SRD5A1: variants seen among roughly 807,000 people sequenced by gnomAD.
The protein encoded by SRD5A1 is steroid 5 alpha-reductase 1.
SRD5A1 carries 22 observed loss-of-function variants against 28.2 expected under a neutral mutation model. The ratio of observed to expected loss-of-function variants is 0.78; its 90% confidence interval spans 0.56 to 1.12. The LOEUF is 1.12. Ranked by LOEUF, SRD5A1 falls within the 50% of genes most tolerant of loss-of-function variation. SRD5A1 has a pLI of 0.00. For synonymous variants in SRD5A1, 151 were observed against 135.0 expected, an observed-to-expected ratio of 1.12 and a Z score of -0.82; for missense variants, 300 against 346.7, an observed-to-expected ratio of 0.87 and a Z score of 1.07.
At position 6,669,780 on chromosome 5, in the gene SRD5A1, C is replaced by T. The variant is rs1036286552; in HGVS notation, c.*1512C>T. 6.6e-6 allele frequency: 1 copy of T among 152,238 alleles called. No homozygotes were observed. The highest frequency in any genetic ancestry group is 6.5e-5 in the Admixed American group (1 of 15,282). The allele number at this position is 152,238 out of a possible 1,614,324, so 9.4% of individuals were successfully genotyped here. On this transcript the variant is annotated 3_prime_UTR_variant, in exon 5 of 5. Transcript: ENST00000274192. The stretch of plus-strand genomic sequence containing the variant: ...TTAAATCTGATGAGCTGAACATACA[C>T]CTTTCCTTCTCCCCTCTCTATTCTG...
intron 1 of SRD5A1, among the ~76,000 whole-genome samples, chr5:6,648,580 G>C (rs1442564461): frequency 6.6e-6 from 1 of 152,122 alleles, no homozygotes; most frequent in African/African-American, 2.4e-5. Context: ...TATGCTTCAC[G>C]AAGTTCTTGT....
chr5:6,633,782 A>G lies in SRD5A1; in HGVS notation c.206A>G (p.Tyr69Cys), dbSNP rs1011605522. ...CTGCCCTCGCTGGCCCTGCCGCTCT[A>G]CCAGTACGCCAGCGAGTCCGCCCCG... The part of the protein sequence containing the change: ...QELPSLALPL[Y>C]QYASESAPRL... Residue 69 changes from tyrosine to cysteine, a missense_variant, in exon 1 of 5, where the codon TAC becomes TGC. This residue lies in a region of SRD5A1 where 174 missense variants were observed against 160.9 expected (regional missense o/e 1.08). Transcript: ENST00000274192. 15 of 1,597,616 alleles carry G rather than the reference A, an allele frequency of 9.4e-6. No homozygotes were observed. Among genetic ancestry groups the G allele is most frequent in the Non-Finnish European group, 1.3e-5 (15 of 1,179,632 alleles).
chr5:6,641,018 G>T (rs1211405050), intron 1 of SRD5A1, among the ~76,000 whole-genome samples: 2 of 152,208 alleles, frequency 1.3e-5, no homozygotes, highest in Admixed American at 6.5e-5. Context: ...GAATGGGATG[G>T]TGTAGGAGAA....
At chr5:6,656,021 C>T (rs1407522529) in intron 2 of SRD5A1, 57 bp from the exon 3 acceptor site, 13 of 1,296,906 alleles carry the variant, frequency 1.0e-5, no homozygotes, top group Non-Finnish European at 1.2e-5. Context: ...GGCTGGGGCT[C>T]GTAGTGAAAT....
chr5:6,646,565 A>T (rs1738516855), intron 1 of SRD5A1, among the ~76,000 whole-genome samples: 1 of 152,042 alleles, frequency 6.6e-6, no homozygotes, highest in Non-Finnish European at 1.5e-5. Context: ...ATTTGCATAG[A>T]GGTGTTTATA....
At chr5:6,659,200 G>A (rs761055741) in intron 3 of SRD5A1, among the ~76,000 whole-genome samples, 19 of 151,008 alleles carry the variant, frequency 1.3e-4, no homozygotes, top group Admixed American at 7.9e-4. Context: ...TGCAAGCTCT[G>A]CCTCTCGGGT....
chr5:6,655,987 G>A (rs1738819330), intron 2 of SRD5A1, 91 bp from the exon 3 acceptor site: 2 of 879,680 alleles, frequency 2.3e-6, no homozygotes, highest in African/African-American at 3.3e-5. Context: ...TAATCTGAAG[G>A]GTTGCAATAA....
Position 6,668,285 on chromosome 5 carries a change from A to G in SRD5A1, c.*17A>G, listed in dbSNP as rs755808330. On this transcript the variant is annotated 3_prime_UTR_variant, in exon 5 of 5. Transcript: ENST00000274192. ...TTGTTTTAAGTGCGTTTTTCATGAA[A>G]TTATCTTCAACTTGAAGCTTTCCAA... 7 of 1,464,696 alleles carry G rather than the reference A, an allele frequency of 4.8e-6. No individual in the cohort carries two copies. The highest frequency in any genetic ancestry group is 3.7e-5 in the Admixed American group (2 of 54,210). 90.7% of individuals were successfully genotyped at this position (1,464,696 alleles called of 1,614,324 possible).
At chr5:6,647,103 TC>T (rs1263590489) in intron 1 of SRD5A1, among the ~76,000 whole-genome samples, 3 of 152,370 alleles carry the variant, frequency 2.0e-5, no homozygotes, top group Admixed American at 1.3e-4. Flanking sequence ...AGTTTCTTAA[TC>T]TTGAGTTCTA....
At chr5:6,655,782 G>A (rs1057318977) in intron 2 of SRD5A1, among the ~76,000 whole-genome samples, 8 of 152,302 alleles carry the variant, frequency 5.3e-5, no homozygotes, top group Admixed American at 1.3e-4. Flanking sequence ...GAAAGGAGCC[G>A]TGTGCCCAAG....
intron 4 of SRD5A1, among the ~76,000 whole-genome samples, chr5:6,667,377 A>T (rs1349982302): frequency 6.6e-6 from 1 of 152,178 alleles, no homozygotes; most frequent in African/African-American, 2.4e-5. Flanking sequence ...TGTTAAACTT[A>T]ACTAAGACCA....
chr5:6,633,592 G>A lies in SRD5A1; in HGVS notation c.16G>A (p.Gly6Arg), dbSNP rs771322690. The change falls in exon 1 of 5, where the codon GGG becomes AGG. Residue 6 changes from glycine to arginine, a missense_variant. Gly to Arg is a moderately radical substitution (Grantham distance 125). This residue lies in a region of SRD5A1 where 174 missense variants were observed against 160.9 expected (regional missense o/e 1.08). Coordinates refer to ENST00000274192, the MANE Select transcript of SRD5A1 (RefSeq NM_001047.4). MATATGVAEERLLAAL... is the reference protein window; with the variant it reads MATATRVAEERLLAAL... Reference sequence around the variant, plus strand: ...AGCCCTGGCGATGGCAACGGCGACGGGGGTGGCGGAGGAGCGCCTGCTGGC... The same window carrying A: ...AGCCCTGGCGATGGCAACGGCGACGAGGGTGGCGGAGGAGCGCCTGCTGGC... The A allele has an allele frequency of 1.3e-6, 2 of 1,520,172 alleles. No individual in the cohort carries two copies. Among genetic ancestry groups the A allele is most frequent in the African/African-American group, 1.4e-5 (1 of 70,246 alleles). 94.2% of individuals were successfully genotyped at this position (1,520,172 alleles called of 1,614,324 possible).
Position 6,646,211 on chromosome 5 carries a change from A to C in SRD5A1, c.294-5631A>C, listed in dbSNP as rs565101114. ...ATGGATGCATAGTATTCCATGGTGT[A>C]TATGTGCCACATTTTCTTTATCCAG... On this transcript the variant is annotated intron_variant, in intron 1 of 4. Coordinates refer to ENST00000274192, the MANE Select transcript of SRD5A1 (RefSeq NM_001047.4). Among the ~76,000 whole-genome samples the C allele has an allele frequency of 3.9e-5, 6 of 152,344 alleles. No homozygotes were observed. The South Asian group carries it at 1.2e-3, about 32-fold the overall frequency.
chr5:6,640,630 GT>G (rs1738331999), intron 1 of SRD5A1, among the ~76,000 whole-genome samples: 1 of 151,656 alleles, frequency 6.6e-6, no homozygotes, highest in Non-Finnish European at 1.5e-5. Context: ...GCCTCCCAAA[GT>G]GGTGGGATTA....
intron 1 of SRD5A1, among the ~76,000 whole-genome samples, chr5:6,649,941 A>G (rs946136737): frequency 2.6e-5 from 4 of 152,160 alleles, no homozygotes; most frequent in African/African-American, 9.7e-5. Flanking sequence ...AATATTGCCC[A>G]AAAAGGGAAA....
intron 1 of SRD5A1, 140 bp downstream of exon 1, chr5:6,634,009 C>T (rs1052519321): frequency 1.6e-5 from 14 of 878,532 alleles, no homozygotes; most frequent in South Asian, 9.7e-5. Flanking sequence ...CGGGGCGTCC[C>T]CCATCTGCAC....
At chr5:6,651,815 A>C in intron 1 of SRD5A1, 27 bp from the exon 2 acceptor site, 1 of 1,557,090 alleles carries the variant, frequency 6.4e-7, no homozygotes, top group Non-Finnish European at 8.7e-7. Flanking sequence ...TTTTTTAAAA[A>C]ATTGTGCCTG....
In SRD5A1 at chr5:6,651,951, T is replaced by C. The variant is rs764576460; in HGVS notation, c.403T>C (p.Leu135=). ...TCNGYLQSRY[L]SHCAVYADDW... is the part of the protein sequence containing the mutation. ...TAACGGCTATTTGCAAAGCAGATACTTGAGCCATTGTGCAGTGTATGCTGA... is the reference window on the plus strand; with the variant it reads ...TAACGGCTATTTGCAAAGCAGATACCTGAGCCATTGTGCAGTGTATGCTGA... Residue 135 remains leucine (L), a synonymous_variant, in exon 2 of 5, where the codon TTG becomes CTG. Coordinates refer to ENST00000274192, the MANE Select transcript of SRD5A1 (RefSeq NM_001047.4). 6 of 1,614,190 alleles carry C rather than the reference T, an allele frequency of 3.7e-6. No homozygotes were observed. The East Asian group carries it at 8.9e-5, about 24-fold the overall frequency.
At chr5:6,662,556 T>C (rs943307846) in intron 3 of SRD5A1, among the ~76,000 whole-genome samples, 12 of 152,250 alleles carry the variant, frequency 7.9e-5, no homozygotes, top group African/African-American at 2.9e-4. Context: ...CACTGGTTTA[T>C]TGGTGTCTTC....
Sources: allele counts gnomAD v4.1 joint callset (sites outside exome capture counted in the v4.1 genomes callset), GRCh38; gene constraint gnomAD v4.1.1; regional missense constraint gnomAD v4.1.1; transcripts MANE v1.5; gene names NCBI Gene and HGNC (gene_info 2026-07-23, HGNC 2026-07-21).